LETM1: variants seen among roughly 807,000 people sequenced by gnomAD.
LETM1 encodes the protein mitochondrial proton/calcium exchanger protein.
A neutral mutation model predicts 74.5 loss-of-function variants in LETM1; 50 were observed. The ratio of observed to expected loss-of-function variants is 0.67; its 90% CI spans 0.53 to 0.85. LETM1 has a LOEUF of 0.85. Among genes scored for constraint, LETM1 ranks in the 40% least tolerant of loss-of-function variants. LETM1 has a pLI of 0.00. For missense variants in LETM1, 824 were observed against 967.8 expected (o/e 0.85, Z 1.97); for synonymous variants, 446 against 407.1 (o/e 1.10, Z -1.15).
At chr4:1,815,470 T>G (rs978555413) in intron 13 of LETM1, among the ~76,000 whole-genome samples, 194 bp downstream of exon 13, 2 of 152,166 alleles carry the variant, frequency 1.3e-5, no homozygotes, top group Non-Finnish European at 2.9e-5. Flanking sequence ...AGTTGTAACT[T>G]CAATAATTTC....
rs576204212 is a variant in LETM1 at position 1,831,723 on chromosome 4, G to A, written c.1080+1021C>T. On this transcript the variant is annotated intron_variant, in intron 6 of 13. Transcript: ENST00000302787. ...CCACATGGCCTTGCCTTGATTCATGGAAATGACTGGCCCTCAACCTGCTCA... is the reference window on the plus strand; with the variant it reads ...CCACATGGCCTTGCCTTGATTCATGAAAATGACTGGCCCTCAACCTGCTCA... Among the ~76,000 whole-genome samples the A allele has an allele frequency of 7.2e-4, 109 of 152,338 alleles. No homozygotes were observed. In the South Asian group the frequency reaches 0.011, roughly 15 times the overall value.
In LETM1 at chr4:1,825,682, A is replaced by G. The variant is rs1229572183; in HGVS notation, c.1082T>C (p.Leu361Pro). 1.2e-6 allele frequency: 2 copies of G among 1,612,570 alleles called. No individual in the cohort carries two copies. Among genetic ancestry groups the G allele is most frequent in the Non-Finnish European group, 8.5e-7 (1 of 1,179,100 alleles). The change falls in exon 7 of 14, where the codon CTG (leucine) becomes CCG (proline). Residue 361 changes from leucine to proline, a missense_variant and splice_region_variant. This residue lies in a region of LETM1 where 269 missense variants were observed against 348.8 expected (regional missense o/e 0.77). Coordinates refer to ENST00000302787, the MANE Select transcript of LETM1 (RefSeq NM_012318.3). ...RLRSIKADDK[L>P]IAEEGVDSLN... ...GCTGTCCACCCCTTCCTCAGCAATC[A>G]GCTAGAAAACAAAGCAGTGAATTAT...
intron 10 of LETM1, among the ~76,000 whole-genome samples, chr4:1,821,123 ATTTT>A (rs572170622): frequency 7.1e-6 from 1 of 141,022 alleles, no homozygotes. Context: ...AAAAAGTGAA[ATTTT>A]TTTTTTTTTT....
Position 1,825,530 on chromosome 4 carries a change from GTGCCGGCCTGGCACCAGGCCAATAT to G in LETM1, c.1200+9_1200+33del, listed in dbSNP as rs546855814. 2.2e-4 allele frequency: 346 copies of G among 1,592,678 alleles called. No homozygotes were observed. In the African/African-American group the frequency reaches 4.3e-3, roughly 20 times the overall value. The stretch of plus-strand genomic sequence containing the variant: ...CGAGGCTGATGTTTCCCTTGAGCCC[GTGCCGGCCTGGCACCAGGCCAATAT>G]TCACGCACCTGCTTCAGCTGACCCC... On this transcript the variant is annotated intron_variant, in intron 7 of 13. Transcript: ENST00000302787.
At chr4:1,818,726 A>G (rs1485311856) in intron 11 of LETM1, among the ~76,000 whole-genome samples, 3 of 152,230 alleles carry the variant, frequency 2.0e-5, no homozygotes, top group Non-Finnish European at 4.4e-5. Flanking sequence ...ACTTTCACGT[A>G]ATCATGAATA....
Position 1,823,116 on chromosome 4 carries a change from C to T in LETM1, c.1348G>A (p.Val450Met), listed in dbSNP as rs961295904. The change falls in exon 9 of 14, where the codon GTG becomes ATG. Residue 450 changes from valine (V) to methionine (M), a missense_variant. Coordinates refer to ENST00000302787, the MANE Select transcript of LETM1 (RefSeq NM_012318.3). ...LPEIVAKEAQ[V>M]KVAEVEGEQV... is the part of the protein sequence containing the mutation. Reference sequence around the variant, plus strand: ...TCGCCCTCCACCTCGGCCACTTTCACCTGTGCTTCCTTTGCCTTCAGAAGA... The same window carrying T: ...TCGCCCTCCACCTCGGCCACTTTCATCTGTGCTTCCTTTGCCTTCAGAAGA... 13 of 1,597,548 alleles carry T rather than the reference C, an allele frequency of 8.1e-6. No homozygotes were observed. Among genetic ancestry groups the T allele is most frequent in the Non-Finnish European group, 8.5e-6 (10 of 1,170,784 alleles).
In LETM1 at chr4:1,834,832, C is replaced by T. The variant is rs758893769; in HGVS notation, c.876+13G>A. 1.5e-5 allele frequency: 25 copies of T among 1,613,732 alleles called. No homozygotes were observed. Among genetic ancestry groups the T allele is most frequent in the Non-Finnish European group, 1.9e-5 (23 of 1,179,870 alleles). On this transcript the variant is annotated intron_variant, in intron 5 of 13. Transcript: ENST00000302787. This position sits in a 1 kb window ranked among gnomAD's most constrained non-coding sequence, Gnocchi z 5.0. Reference sequence around the variant, plus strand: ...CCTGGTGAGGTCACAGGGACTCAGACGTATCACAGCACCTTCTGGAAAAAC... The same window carrying T: ...CCTGGTGAGGTCACAGGGACTCAGATGTATCACAGCACCTTCTGGAAAAAC...
At chr4:1,833,058 C>G in intron 5 of LETM1, 111 bp from the exon 6 acceptor site, 1 of 882,688 alleles carries the variant, frequency 1.1e-6, no homozygotes, top group South Asian at 1.6e-5. Flanking sequence ...GGACTCAAAC[C>G]ACTGACTACT....
Position 1,814,365 on chromosome 4 carries a change from C to G in LETM1, c.*59G>C, listed in dbSNP as rs1722548591. On this transcript the variant is annotated 3_prime_UTR_variant, in exon 14 of 14. Transcript: ENST00000302787. Reference sequence around the variant, plus strand: ...TGAGAATCACCACAAAGCAATCGCCCTCACGGCCCTTGCCAGGGTGACGGC... The same window carrying G: ...TGAGAATCACCACAAAGCAATCGCCGTCACGGCCCTTGCCAGGGTGACGGC... The G allele has an allele frequency of 6.2e-7, 1 of 1,611,490 alleles. No homozygotes were observed. The highest frequency in any genetic ancestry group is 1.3e-5 in the African/African-American group (1 of 74,890).
intron 3 of LETM1, among the ~76,000 whole-genome samples, chr4:1,838,953 CT>C (rs1159255471): frequency 6.6e-6 from 1 of 152,180 alleles, no homozygotes; most frequent in Non-Finnish European, 1.5e-5. Flanking sequence ...GAGATTCCAT[CT>C]CTTTTAAATT....
intron 6 of LETM1, among the ~76,000 whole-genome samples, chr4:1,828,800 C>T (rs1193541987): frequency 2.6e-4 from 35 of 136,498 alleles, no homozygotes; most frequent in Non-Finnish European, 4.4e-4. Flanking sequence ...GGCGGCTGGC[C>T]GGGCAGGGGG....
chr4:1,815,907 T>G (rs1402670010), intron 12 of LETM1, 105 bp from the exon 13 acceptor site: 1 of 1,423,990 alleles, frequency 7.0e-7, no homozygotes, highest in African/African-American at 1.4e-5. Context: ...CACAGGCGGC[T>G]CCGCGTGAGC....
At chr4:1,837,510 G>A (rs1303112238) in intron 3 of LETM1, among the ~76,000 whole-genome samples, 7 of 151,858 alleles carry the variant, frequency 4.6e-5, no homozygotes, top group South Asian at 4.2e-4. Flanking sequence ...ATTCCCAAAC[G>A]GTGCCATATT....
At chr4:1,847,818 C>T (rs1577327220) in intron 2 of LETM1, among the ~76,000 whole-genome samples, 1 of 111,398 alleles carries the variant, frequency 9.0e-6, no homozygotes, top group South Asian at 2.8e-4. Flanking sequence ...GAACAAAACT[C>T]GGTCTCAAAA....
chr4:1,848,731 A>AG (rs1477160515), intron 2 of LETM1, among the ~76,000 whole-genome samples: 2 of 150,618 alleles, frequency 1.3e-5, no homozygotes, highest in Non-Finnish European at 3.0e-5. Flanking sequence ...AAAAAAAAAA[A>AG]AAAAAGAAAA....
intron 2 of LETM1, among the ~76,000 whole-genome samples, chr4:1,847,878 T>C (rs1468368860): frequency 2.8e-5 from 4 of 145,294 alleles, no homozygotes; most frequent in Non-Finnish European, 6.0e-5. Context: ...GCGCCTGTAA[T>C]CCCAGCTACT....
At chr4:1,843,557 C>G (rs374901978) in intron 2 of LETM1, among the ~76,000 whole-genome samples, 1 of 152,360 alleles carries the variant, frequency 6.6e-6, no homozygotes, top group South Asian at 2.1e-4. Flanking sequence ...AATCTTCCCT[C>G]AATTACAGAC....
chr4:1,821,558 G>A (rs999983122), intron 10 of LETM1, among the ~76,000 whole-genome samples: 7 of 152,036 alleles, frequency 4.6e-5, no homozygotes, highest in Non-Finnish European at 8.8e-5. Flanking sequence ...GTCTGGTGGT[G>A]CACGCCTGTA....
intron 3 of LETM1, among the ~76,000 whole-genome samples, chr4:1,840,057 T>C (rs566405428): frequency 6.6e-6 from 1 of 152,338 alleles, no homozygotes; most frequent in South Asian, 2.1e-4. Context: ...ATACCTACTA[T>C]GTACCCACAA....
Sources: allele counts gnomAD v4.1 joint callset (sites outside exome capture counted in the v4.1 genomes callset), GRCh38; gene constraint gnomAD v4.1.1; regional missense constraint gnomAD v4.1.1; non-coding constraint Gnocchi (gnomAD v3.1); transcripts MANE v1.5; gene names NCBI Gene and HGNC (gene_info 2026-07-23, HGNC 2026-07-21).